The following PCDHGA4 variants were observed in gnomAD, a reference collection of about 807,000 sequenced individuals.
PCDHGA4 encodes protocadherin gamma subfamily A, 4.
A neutral mutation model predicts 54.6 loss-of-function variants in PCDHGA4; 38 were observed. That is an observed-to-expected ratio of 0.70 (90% CI 0.54 to 0.91). The LOEUF (loss-of-function observed/expected upper bound fraction) is 0.91, where lower values mean the gene tolerates loss of function less well. Ranked by LOEUF, PCDHGA4 falls within the 40% of genes least tolerant of loss-of-function variation. The pLI is 0.00. For synonymous variants in PCDHGA4, 511 were observed against 512.9 expected, an observed-to-expected ratio of 1.00 and a Z score of 0.05; for missense variants, 1,298 against 1,220.9, an observed-to-expected ratio of 1.06 and a Z score of -0.94.
At chr5:141,357,677 T>G (rs1371752128) in intron 1 of PCDHGA4, 56 bp downstream of exon 1, 1 of 1,583,726 alleles carries the variant, frequency 6.3e-7, no homozygotes. Context: ...AAGAGTTGTG[T>G]AAATGTCTCT....
At chr5:141,483,700 T>C (rs1003495517) in intron 1 of PCDHGA4, among the ~76,000 whole-genome samples, 4 of 152,090 alleles carry the variant, frequency 2.6e-5, no homozygotes, top group Admixed American at 2.6e-4. Context: ...ATTCCTCTTT[T>C]TGACACCAGA....
rs753158485 is a variant in PCDHGA4, at chr5:141,355,169, C to A, written c.62C>A (p.Pro21Gln). Residue 21 changes from proline to glutamine, a missense_variant, in exon 1 of 4, where the codon CCG (proline) becomes CAG (glutamine). Pro to Gln is a moderately conservative substitution (Grantham distance 76). Transcript: ENST00000571252. Reference sequence around the variant, plus strand: ...CCTCAGGCCTCGACAGAGGGAAAACCGAAGCACAGGCGACTCCGCGGCGGG... The same window carrying A: ...CCTCAGGCCTCGACAGAGGGAAAACAGAAGCACAGGCGACTCCGCGGCGGG... ...GAPQASTEGK[P>Q]KHRRLRGGVV... 6.4e-7 allele frequency: 1 copy of A among 1,568,854 alleles called. No individual in the cohort carries two copies. Among genetic ancestry groups the A allele is most frequent in the Non-Finnish European group, 8.6e-7 (1 of 1,158,264 alleles).
chr5:141,432,610 C>T lies in PCDHGA4; in HGVS notation c.2515-62197C>T, dbSNP rs1481968343. 9.3e-6 allele frequency: 15 copies of T among 1,613,954 alleles called. No homozygotes were observed. Among genetic ancestry groups the T allele is most frequent in the Non-Finnish European group, 1.3e-5 (15 of 1,179,978 alleles). On this transcript the variant is annotated intron_variant, in intron 1 of 3. Transcript: ENST00000571252. This position sits in a 1 kb window ranked among gnomAD's most constrained non-coding sequence, Gnocchi z 6.0. The stretch of plus-strand genomic sequence containing the variant: ...TCAAGGCCAGCGAGCCGGGACTCTT[C>T]TCGGTGGGTCTGCACACGGGCGAGG...
intron 3 of PCDHGA4, 40 bp downstream of exon 3, chr5:141,505,521 T>C: frequency 1.9e-6 from 3 of 1,612,684 alleles, no homozygotes; most frequent in Non-Finnish European, 2.5e-6. Context: ...GTGGGAGACC[T>C]GGGGTTCTGG....
intron 1 of PCDHGA4, chr5:141,383,945 T>G: frequency 6.2e-7 from 1 of 1,613,858 alleles, no homozygotes. Context: ...GAAGTGACTA[T>G]GACGTCTTTA....
At chr5:141,478,708 A>G (rs1394463788) in intron 1 of PCDHGA4, 31 of 1,548,072 alleles carry the variant, frequency 2.0e-5, no homozygotes, top group Non-Finnish European at 2.5e-5. Context: ...TGCCTTTGTG[A>G]GATGGTGGCC....
intron 1 of PCDHGA4, among the ~76,000 whole-genome samples, chr5:141,442,736 A>C (rs2098340663): frequency 6.6e-6 from 1 of 152,226 alleles, no homozygotes; most frequent in African/African-American, 2.4e-5. Flanking sequence ...CCTGTAGGTA[A>C]GGAGCATGTT....
In PCDHGA4 at chr5:141,432,219, T is replaced by A. The variant is rs1327611752; in HGVS notation, c.2515-62588T>A. 6.2e-7 allele frequency: 1 copy of A among 1,614,122 alleles called. No homozygotes were observed. Among genetic ancestry groups the A allele is most frequent in the East Asian group, 2.2e-5 (1 of 44,868 alleles). On this transcript the variant is annotated intron_variant, in intron 1 of 3. Transcript: ENST00000571252. The surrounding 1 kb of genome is among the most constrained non-coding windows in gnomAD (Gnocchi z 6.0). The stretch of plus-strand genomic sequence containing the variant: ...CCCGACTGTGAAGAGAACGCCCAGA[T>A]CACTTATTCCCTGGCTGAGAACACC...
rs753472869 is a variant in PCDHGA4, at chr5:141,366,592, C to T, written c.2514+8971C>T. On this transcript the variant is annotated intron_variant, in intron 1 of 3. Coordinates refer to ENST00000571252, the MANE Select transcript of PCDHGA4 (RefSeq NM_018917.4). ...TTCGGGCTTTCCTGCAGACCTATTC[C>T]CACGAGGTCTCCCTCACCGCGGACT... The T allele has an allele frequency of 8.1e-6, 13 of 1,614,256 alleles. No individual in the cohort carries two copies. In the South Asian group the frequency reaches 1.4e-4, roughly 18 times the overall value.
chr5:141,394,891 TCGTGGTGGCAGTGG>T (rs1346277751), intron 1 of PCDHGA4: 11 of 1,613,892 alleles, frequency 6.8e-6, no homozygotes, highest in Non-Finnish European at 9.3e-6. Flanking sequence ...ACACTCTATC[TCGTGGTGGCAGTGG>T]CTGCCATCTC....
At chr5:141,381,826 C>CTTTTTTTTTTTTTTTTTTTT (rs770630741) in intron 1 of PCDHGA4, among the ~76,000 whole-genome samples, 4 of 74,282 alleles carry the variant, frequency 5.4e-5, no homozygotes, top group Admixed American at 1.9e-4. Context: ...CTTTCTTCTT[C>CTTTTTTTTTTTTTTTTTTTT]TTTTTTTTTT....
chr5:141,433,328 G>A (rs965877578), intron 1 of PCDHGA4: 3 of 724,464 alleles, frequency 4.1e-6, no homozygotes, highest in African/African-American at 3.6e-5. Context: ...GGTGTAACAG[G>A]GACTACAGGT....
rs373424450 is a variant in PCDHGA4, at chr5:141,450,829, AT to A, written c.2515-43965del. 1.1e-3 allele frequency among the ~76,000 whole-genome samples: 154 copies of A among 135,102 alleles called. 1 individual carries two copies. Among genetic ancestry groups the A allele is most frequent in the South Asian group, 8.9e-3 (38 of 4,254 alleles). 88.6% of individuals were successfully genotyped at this position (135,102 alleles called of 152,430 possible). ...TTATTTATTTAATATTATTATTATTATTTTTTTTTTTTTGAGATGGGGTCTT... is the reference window on the plus strand; with the variant it reads ...TTATTTATTTAATATTATTATTATTATTTTTTTTTTTTGAGATGGGGTCTT... On this transcript the variant is annotated intron_variant, in intron 1 of 3. Transcript: ENST00000571252.
intron 2 of PCDHGA4, among the ~76,000 whole-genome samples, chr5:141,501,290 TACACACACACACACACACACAC>T (rs55762287): frequency 1.4e-4 from 19 of 136,248 alleles, no homozygotes; most frequent in Admixed American, 1.1e-3. Context: ...TATTCCCTTA[TACACACACACACACACACACAC>T]ACACACACAC....
At chr5:141,365,648 T>C in intron 1 of PCDHGA4, 1 of 1,613,486 alleles carries the variant, frequency 6.2e-7, no homozygotes, top group East Asian at 2.2e-5. Context: ...CCACATCCCC[T>C]TGAAAGTAGC....
At chr5:141,374,621 G>A (rs1261974648) in intron 1 of PCDHGA4, 1 of 1,613,482 alleles carries the variant, frequency 6.2e-7, no homozygotes, top group Non-Finnish European at 8.5e-7. Flanking sequence ...TCACTTCTCA[G>A]TGGACGTGCA....
intron 1 of PCDHGA4, chr5:141,393,269 T>C (rs1481759237): frequency 1.2e-6 from 2 of 1,613,832 alleles, no homozygotes; most frequent in Non-Finnish European, 1.7e-6. Flanking sequence ...GAGCACGTTA[T>C]CCACTCCCAG....
intron 1 of PCDHGA4, chr5:141,422,638 T>G (rs1412270971): frequency 6.2e-7 from 1 of 1,612,392 alleles, no homozygotes. Context: ...CAGGGGTGCC[T>G]CCATCTTCTC....
In PCDHGA4 at chr5:141,356,367, T is replaced by A; in HGVS notation, c.1260T>A (p.Asn420Lys). The A allele has an allele frequency of 6.4e-7, 1 of 1,559,764 alleles. No homozygotes were observed. Among genetic ancestry groups the A allele is most frequent in the South Asian group, 1.2e-5 (1 of 85,284 alleles). ...TAGTCACATGTTCTATTCCAGATAA[T>A]CTGCCATTCACACTTGAAAAGACCT... ...NGLVTCSIPD[N>K]LPFTLEKTYG... Residue 420 changes from asparagine to lysine, a missense_variant, in exon 1 of 4, where the codon AAT becomes AAA. Coordinates refer to ENST00000571252, the MANE Select transcript of PCDHGA4 (RefSeq NM_018917.4).
Sources: allele counts gnomAD v4.1 joint callset (sites outside exome capture counted in the v4.1 genomes callset), GRCh38; gene constraint gnomAD v4.1.1; non-coding constraint Gnocchi (gnomAD v3.1); transcripts MANE v1.5; gene names NCBI Gene and HGNC (gene_info 2026-07-23, HGNC 2026-07-21).